The following LHFPL2 variants were observed in gnomAD, a reference collection of about 807,000 sequenced individuals.
LHFPL2 encodes the protein LHFPL tetraspan subfamily member 2.
LHFPL2 carries 7 observed loss-of-function variants against 17.5 expected under a neutral mutation model. The observed-to-expected ratio is 0.40, with a 90% CI of 0.23 to 0.75. The LOEUF is 0.75. Among genes scored for constraint, LHFPL2 ranks in the 30% least tolerant of loss-of-function variants. The pLI is 0.37. For missense variants in LHFPL2, 241 were observed against 294.8 expected (o/e 0.82, Z 1.34); for synonymous variants, 134 against 116.2 (o/e 1.15, Z -0.99).
intron 1 of LHFPL2, chr5:78,644,433 T>C (rs1745790189): frequency 2.9e-6 from 2 of 682,620 alleles, no homozygotes; most frequent in East Asian, 2.7e-5. Context: ...AGGCTGCTTA[T>C]CATCTGCGGC....
At chr5:78,555,311 T>C (rs1313503972) in intron 3 of LHFPL2, among the ~76,000 whole-genome samples, 3 of 152,258 alleles carry the variant, frequency 2.0e-5, no homozygotes, top group South Asian at 2.1e-4. Flanking sequence ...ATTCACTCCA[T>C]ACAGAGAATT....
chr5:78,523,254 C>G (rs767968513), intron 3 of LHFPL2, among the ~76,000 whole-genome samples: 3 of 152,172 alleles, frequency 2.0e-5, no homozygotes, highest in Non-Finnish European at 4.4e-5. Flanking sequence ...ACCTTATGTT[C>G]TCACAGCCCC....
intron 1 of LHFPL2, among the ~76,000 whole-genome samples, chr5:78,639,433 A>G (rs79289501): frequency 6.6e-6 from 1 of 152,230 alleles, no homozygotes; most frequent in Non-Finnish European, 1.5e-5. Context: ...ACTTACAGTC[A>G]CCAGTTTAAG....
chr5:78,646,734 G>A (rs1193747450), intron 1 of LHFPL2, among the ~76,000 whole-genome samples: 1 of 151,876 alleles, frequency 6.6e-6, no homozygotes, highest in African/African-American at 2.4e-5. Context: ...CAAACACTGG[G>A]TGCCATCAAC....
chr5:78,504,819 G>A lies in LHFPL2; in HGVS notation c.430+4965C>T, dbSNP rs527823961. Among the ~76,000 whole-genome samples, 107 of 152,316 alleles carry A rather than the reference G, an allele frequency of 7.0e-4. 1 individual carries two copies. The highest frequency in any genetic ancestry group is 5.9e-5 in the Non-Finnish European group (4 of 68,034). ...ACACCCTTCACCCCAGCCCTGCAGAGGCAGGGTTCAGCCCCAGGGCAATCT... is the reference window on the plus strand; with the variant it reads ...ACACCCTTCACCCCAGCCCTGCAGAAGCAGGGTTCAGCCCCAGGGCAATCT... On this transcript the variant is annotated intron_variant, in intron 4 of 4. Coordinates refer to ENST00000380345, the MANE Select transcript of LHFPL2 (RefSeq NM_005779.3).
At chr5:78,645,269 T>C (rs182759586) in intron 1 of LHFPL2, among the ~76,000 whole-genome samples, 1 of 151,402 alleles carries the variant, frequency 6.6e-6, no homozygotes, top group Admixed American at 6.6e-5. Context: ...TTTCTTCTAA[T>C]GTGTACTCTG....
At position 78,621,973 on chromosome 5, in the gene LHFPL2, C is replaced by T. The variant is rs138912414; in HGVS notation, c.-245+10291G>A. The stretch of plus-strand genomic sequence containing the variant: ...ACTAGTCAGTGTTCCTCCCGAGAAA[C>T]ACATACTCTCTAAGAAATCTGACCA... On this transcript the variant is annotated intron_variant, in intron 2 of 4. Coordinates refer to ENST00000380345, the MANE Select transcript of LHFPL2 (RefSeq NM_005779.3). 7.9e-5 allele frequency among the ~76,000 whole-genome samples: 12 copies of T among 152,222 alleles called. No homozygotes were observed. In the East Asian group the frequency reaches 2.3e-3, roughly 29 times the overall value.
chr5:78,490,685 T>C (rs1754410397), intron 4 of LHFPL2, among the ~76,000 whole-genome samples: 1 of 138,850 alleles, frequency 7.2e-6, no homozygotes, highest in African/African-American at 2.8e-5. Flanking sequence ...GAGGTGGAGG[T>C]TGCAGTGAGC....
At chr5:78,550,420 A>G (rs1756406517) in intron 3 of LHFPL2, among the ~76,000 whole-genome samples, 1 of 152,184 alleles carries the variant, frequency 6.6e-6, no homozygotes, top group Non-Finnish European at 1.5e-5. Context: ...AACAGTCAAG[A>G]GCAGTCTCAA....
At chr5:78,515,730 C>T (rs533614644) in intron 3 of LHFPL2, among the ~76,000 whole-genome samples, 1 of 152,318 alleles carries the variant, frequency 6.6e-6, no homozygotes, top group Admixed American at 6.5e-5. Flanking sequence ...TGGATGGTGC[C>T]AGAATCTGCA....
intron 4 of LHFPL2, among the ~76,000 whole-genome samples, chr5:78,508,345 T>C (rs1457272930): frequency 2.6e-5 from 4 of 152,192 alleles, no homozygotes; most frequent in Admixed American, 6.5e-5. Context: ...TGGCTGATCC[T>C]GGCAGATGTA....
intron 4 of LHFPL2, among the ~76,000 whole-genome samples, chr5:78,497,185 C>G (rs572073365): frequency 6.6e-6 from 1 of 152,320 alleles, no homozygotes; most frequent in East Asian, 1.9e-4. Flanking sequence ...CCAATTTACT[C>G]TATCGGCAAA....
chr5:78,577,173 C>A (rs1757154458), intron 2 of LHFPL2, among the ~76,000 whole-genome samples: 1 of 152,196 alleles, frequency 6.6e-6, no homozygotes. Flanking sequence ...GCCTTCCAGG[C>A]ACAGGGAAGT....
chr5:78,627,830 G>C (rs1745107466), intron 2 of LHFPL2, among the ~76,000 whole-genome samples: 1 of 152,192 alleles, frequency 6.6e-6, no homozygotes, highest in African/African-American at 2.4e-5. Flanking sequence ...AAAGGAATTT[G>C]TCCGATGACC....
intron 2 of LHFPL2, among the ~76,000 whole-genome samples, chr5:78,600,863 A>T (rs1743989727): frequency 6.6e-6 from 1 of 152,264 alleles, no homozygotes. Flanking sequence ...CTGAGAAAAC[A>T]CTTTCCACAA....
At chr5:78,507,133 C>G (rs1050146608) in intron 4 of LHFPL2, among the ~76,000 whole-genome samples, 2 of 152,032 alleles carry the variant, frequency 1.3e-5, no homozygotes, top group Admixed American at 6.6e-5. Flanking sequence ...AGTTTGAGAC[C>G]AGCCTGGCCA....
intron 2 of LHFPL2, among the ~76,000 whole-genome samples, chr5:78,577,374 C>T (rs577516328): frequency 6.6e-6 from 1 of 152,316 alleles, no homozygotes; most frequent in African/African-American, 2.4e-5. Flanking sequence ...ATCTCCAGGA[C>T]AGAAATTCCA....
At position 78,487,316 on chromosome 5, in the gene LHFPL2, T is replaced by TTTA. The variant is rs1339930712; in HGVS notation, c.*1578_*1580dup. On this transcript the variant is annotated 3_prime_UTR_variant, in exon 5 of 5. Coordinates refer to ENST00000380345, the MANE Select transcript of LHFPL2 (RefSeq NM_005779.3). Reference sequence around the variant, plus strand: ...ATACGGTGCTTTAGACTCAGACAGCTTTAACATGATTCACTCAGGGCAAGG... The same window carrying TTTA: ...ATACGGTGCTTTAGACTCAGACAGCTTTATTAACATGATTCACTCAGGGCAAGG... The TTTA allele has an allele frequency of 2.0e-5, 3 of 152,224 alleles. No individual in the cohort carries two copies. Among genetic ancestry groups the TTTA allele is most frequent in the African/African-American group, 7.2e-5 (3 of 41,462 alleles). The allele number at this position is 152,224 out of a possible 1,614,324, so 9.4% of individuals were successfully genotyped here.
intron 1 of LHFPL2, among the ~76,000 whole-genome samples, chr5:78,638,537 G>A (rs1313595881): frequency 6.6e-6 from 1 of 152,162 alleles, no homozygotes; most frequent in Non-Finnish European, 1.5e-5. Flanking sequence ...TGGAATGCTG[G>A]CTCTTTGGTT....
Sources: allele counts gnomAD v4.1 joint callset (sites outside exome capture counted in the v4.1 genomes callset), GRCh38; gene constraint gnomAD v4.1.1; transcripts MANE v1.5; gene names NCBI Gene and HGNC (gene_info 2026-07-23, HGNC 2026-07-21).